The following CDC42 variants were observed in gnomAD, a reference collection of about 807,000 sequenced individuals.
CDC42 encodes the protein cell division control protein 42 homolog.
Under a neutral mutation model 20.8 loss-of-function variants are expected in CDC42, and 1 was observed. That is an observed-to-expected ratio of 0.05 (90% CI 0.02 to 0.23). CDC42 has a LOEUF of 0.23. Among genes scored for constraint, CDC42 ranks in the 10% least tolerant of loss-of-function variants. The probability of loss-of-function intolerance (pLI) is 1.00; values close to 1 mark genes in which losing one functional copy is unlikely to be tolerated. For missense variants in CDC42, 49 were observed against 227.9 expected, an observed-to-expected ratio of 0.21 and a Z score of 5.05; for synonymous variants, 72 against 84.8, an observed-to-expected ratio of 0.85 and a Z score of 0.83.
intron 1 of CDC42, among the ~76,000 whole-genome samples, chr1:22,055,873 T>TG (rs1216479704): frequency 6.7e-6 from 1 of 150,348 alleles, no homozygotes; most frequent in Non-Finnish European, 1.5e-5. Flanking sequence ...TAGAGTTTTT[T>TG]TTTTTTTTTT....
intron 2 of CDC42, 25 bp from the exon 3 acceptor site, chr1:22,081,695 AAC>A (rs754183369): frequency 2.1e-6 from 3 of 1,453,986 alleles, no homozygotes; most frequent in African/African-American, 1.4e-5. Flanking sequence ...CTTGCACACT[AAC>A]AGTGTTGTAT....
chr1:22,059,978 T>A (rs1401133206), intron 1 of CDC42, among the ~76,000 whole-genome samples: 1 of 152,190 alleles, frequency 6.6e-6, no homozygotes, highest in Non-Finnish European at 1.5e-5. Flanking sequence ...AACACCTGTG[T>A]TTATTACCTG....
Position 22,086,794 on chromosome 1 carries a change from T to C in CDC42, c.414T>C (p.Thr138=), listed in dbSNP as rs376287924. ...CCAAGAACAAACAGAAGCCTATCAC[T>C]CCAGAGACTGCTGAAAAGCTGGCCC... ...KLAKNKQKPI[T]PETAEKLARD... The change falls in exon 5 of 6, where the codon ACT becomes ACC. Residue 138 remains threonine, a synonymous_variant. Coordinates refer to ENST00000656825, the MANE Select transcript of CDC42 (RefSeq NM_001791.4). The C allele has an allele frequency of 1.2e-5, 20 of 1,614,036 alleles. No individual in the cohort carries two copies. The highest frequency in any genetic ancestry group is 1.7e-5 in the Non-Finnish European group (20 of 1,179,960).
intron 1 of CDC42, among the ~76,000 whole-genome samples, chr1:22,070,657 G>A (rs1269844877): frequency 1.3e-5 from 2 of 151,660 alleles, no homozygotes; most frequent in Non-Finnish European, 2.9e-5. Flanking sequence ...ACAGAGGCAG[G>A]GTTTCACTGT....
At chr1:22,087,842 G>A (rs1275824163) in intron 5 of CDC42, among the ~76,000 whole-genome samples, 1 of 152,094 alleles carries the variant, frequency 6.6e-6, no homozygotes, top group Non-Finnish European at 1.5e-5. Flanking sequence ...AGGGTAAATG[G>A]CATATATGAT....
At position 22,096,386 on chromosome 1, in the gene CDC42, T is replaced by A. The variant is rs1484230696; in HGVS notation, c.*4869T>A. Among the ~76,000 whole-genome samples, 4 of 152,348 alleles carry A rather than the reference T, an allele frequency of 2.6e-5. No individual in the cohort carries two copies. The highest frequency in any genetic ancestry group is 7.2e-5 in the African/African-American group (3 of 41,584). On this transcript the variant is annotated 3_prime_UTR_variant, in exon 6 of 6. Coordinates refer to ENST00000656825, the MANE Select transcript of CDC42 (RefSeq NM_001791.4). Reference sequence around the variant, plus strand: ...ACTTCTACTTGGAATTTTCTTTCCCTTACAGTTTTGATAGCTGCTTTCTCT... The same window carrying A: ...ACTTCTACTTGGAATTTTCTTTCCCATACAGTTTTGATAGCTGCTTTCTCT...
chr1:22,056,705 C>T (rs1157764801), intron 1 of CDC42, among the ~76,000 whole-genome samples: 4 of 152,324 alleles, frequency 2.6e-5, no homozygotes, highest in East Asian at 1.9e-4. Flanking sequence ...CTGCTTATTC[C>T]GTGAAGTGAA....
At chr1:22,070,107 G>A (rs1234146804) in intron 1 of CDC42, among the ~76,000 whole-genome samples, 1 of 152,138 alleles carries the variant, frequency 6.6e-6, no homozygotes, top group Non-Finnish European at 1.5e-5. Flanking sequence ...GATTTTCTAA[G>A]CAATGTTGTA....
In CDC42 at chr1:22,098,961, T is replaced by G. The variant is rs1001388901; in HGVS notation, c.*7444T>G. On this transcript the variant is annotated 3_prime_UTR_variant, in exon 6 of 6. Coordinates refer to ENST00000656825, the MANE Select transcript of CDC42 (RefSeq NM_001791.4). ...TTGTGTAGAGAGGGGGTTTTGCCATTTTACCCAGGCTGGTCTCGAACTCCT... is the reference window on the plus strand; with the variant it reads ...TTGTGTAGAGAGGGGGTTTTGCCATGTTACCCAGGCTGGTCTCGAACTCCT... Among the ~76,000 whole-genome samples, 1 of 152,002 alleles carries G rather than the reference T, an allele frequency of 6.6e-6. No homozygotes were observed. The highest frequency in any genetic ancestry group is 1.5e-5 in the Non-Finnish European group (1 of 67,980).
rs745529683 is a variant in CDC42 at position 22,098,588 on chromosome 1, T to C, written c.*7071T>C. ...GGCCATATTGTTTTGAAATAGGATC[T>C]GAGCACCATTTAAATTTTTATAAAT... On this transcript the variant is annotated 3_prime_UTR_variant, in exon 6 of 6. Coordinates refer to ENST00000656825, the MANE Select transcript of CDC42 (RefSeq NM_001791.4). Among the ~76,000 whole-genome samples, 1 of 152,234 alleles carries C rather than the reference T, an allele frequency of 6.6e-6. No individual in the cohort carries two copies. Among genetic ancestry groups the C allele is most frequent in the Non-Finnish European group, 1.5e-5 (1 of 68,030 alleles).
At position 22,086,650 on chromosome 1, in the gene CDC42, T is replaced by C. The variant is rs368182745; in HGVS notation, c.289-19T>C. 3 of 1,612,838 alleles carry C rather than the reference T, an allele frequency of 1.9e-6. No homozygotes were observed. Among genetic ancestry groups the C allele is most frequent in the East Asian group, 2.2e-5 (1 of 44,882 alleles). Reference sequence around the variant, plus strand: ...GCTTGTTGATTAACAAAGGTGTATTTTAAAATACCTTTTTTTAGTGGGTGC... The same window carrying C: ...GCTTGTTGATTAACAAAGGTGTATTCTAAAATACCTTTTTTTAGTGGGTGC... On this transcript the variant is annotated intron_variant, in intron 4 of 5. Coordinates refer to ENST00000656825, the MANE Select transcript of CDC42 (RefSeq NM_001791.4).
At chr1:22,064,579 C>T (rs1645401360) in intron 1 of CDC42, among the ~76,000 whole-genome samples, 1 of 152,224 alleles carries the variant, frequency 6.6e-6, no homozygotes, top group Admixed American at 6.5e-5. Flanking sequence ...GTGTGAGCCA[C>T]TGCGCCTGGC....
intron 1 of CDC42, among the ~76,000 whole-genome samples, chr1:22,063,320 T>C (rs1645386771): frequency 6.6e-6 from 1 of 152,044 alleles, no homozygotes; most frequent in Non-Finnish European, 1.5e-5. Context: ...TAAAGTATAC[T>C]AGATGATGTA....
Position 22,096,105 on chromosome 1 carries a change from G to A in CDC42, c.*4588G>A, listed in dbSNP as rs1386560634. 5.3e-5 allele frequency among the ~76,000 whole-genome samples: 8 copies of A among 152,048 alleles called. No homozygotes were observed. Among genetic ancestry groups the A allele is most frequent in the Non-Finnish European group, 1.5e-5 (1 of 68,004 alleles). On this transcript the variant is annotated 3_prime_UTR_variant, in exon 6 of 6. Coordinates refer to ENST00000656825, the MANE Select transcript of CDC42 (RefSeq NM_001791.4). ...CTCCTGAGTAGCTGGGATTACAGGT[G>A]TCTGCCACTGCGCCCGGCTAATTTT...
intron 5 of CDC42, 88 bp downstream of exon 5, chr1:22,086,954 A>C (rs144162382): frequency 9.2e-7 from 1 of 1,092,412 alleles, no homozygotes; most frequent in African/African-American, 1.5e-5. Context: ...AACAGTGATC[A>C]GCAGTGCTCA....
chr1:22,095,948 AATTTATTTATTT>A lies in CDC42; in HGVS notation c.*4448_*4459del, dbSNP rs200889790. Among the ~76,000 whole-genome samples the A allele has an allele frequency of 1.2e-4, 18 of 151,550 alleles. No individual in the cohort carries two copies. Among genetic ancestry groups the A allele is most frequent in the Non-Finnish European group, 1.3e-4 (9 of 67,964 alleles). ...TGCTATTCATTCATTTTTTTAAAAA[AATTTATTTATTT>A]ATTTATTTATTTATTTTCAGACGGG... On this transcript the variant is annotated 3_prime_UTR_variant, in exon 6 of 6. Coordinates refer to ENST00000656825, the MANE Select transcript of CDC42 (RefSeq NM_001791.4).
At chr1:22,057,772 G>A (rs1035591551) in intron 1 of CDC42, among the ~76,000 whole-genome samples, 32 of 151,022 alleles carry the variant, frequency 2.1e-4, no homozygotes, top group Admixed American at 1.6e-3. Context: ...CACCCAGGCT[G>A]GAGTGCAGTG....
rs747473674 is a variant in CDC42, at chr1:22,086,878, A to C, written c.486+12A>C. 3.7e-6 allele frequency: 6 copies of C among 1,603,736 alleles called. No homozygotes were observed. The East Asian group carries it at 1.3e-4, about 36-fold the overall frequency. On this transcript the variant is annotated intron_variant, in intron 5 of 5. Coordinates refer to ENST00000656825, the MANE Select transcript of CDC42 (RefSeq NM_001791.4). ...CTGCACTTACACAGGTAAGAATGGCATGAAACCCCATGTGTATTTATGGTC... is the reference window on the plus strand; with the variant it reads ...CTGCACTTACACAGGTAAGAATGGCCTGAAACCCCATGTGTATTTATGGTC...
intron 3 of CDC42, among the ~76,000 whole-genome samples, chr1:22,083,470 G>T (rs1371171071): frequency 6.6e-6 from 1 of 151,824 alleles, no homozygotes; most frequent in East Asian, 1.9e-4. Context: ...CAGTGTAGTG[G>T]TGTATGCCTG....
Sources: gnomAD v4.1 joint callset for allele counts (sites outside exome capture counted in the v4.1 genomes callset) on GRCh38, gnomAD v4.1.1 for gene constraint, MANE v1.5 for transcripts, NCBI Gene and HGNC (gene_info 2026-07-23, HGNC 2026-07-21) for gene names.